REDIC1: variants seen among roughly 807,000 people sequenced by gnomAD.
REDIC1 encodes regulator of DNA class I crossover intermediates 1, also known as HEI10 Interacting Protein 1.
At chr12:39,899,730 A>C in the REDIC1 span, among the ~76,000 whole-genome samples, 9 of 151,880 alleles carry the variant, frequency 5.9e-5, no homozygotes, top group Non-Finnish European at 1.0e-4. Flanking sequence ...GCCTTCATTT[A>C]TTTATGTACC....
chr12:39,802,110 G>A, the REDIC1 span: 1 of 152,278 alleles, frequency 6.6e-6, no homozygotes, highest in Non-Finnish European at 1.5e-5. Flanking sequence ...TGGTCAGGAA[G>A]GCCCCGCTGG....
At chr12:39,770,109 C>G in the REDIC1 span, among the ~76,000 whole-genome samples, 1 of 152,164 alleles carries the variant, frequency 6.6e-6, no homozygotes, top group Non-Finnish European at 1.5e-5. Context: ...TTGCCTCTTC[C>G]TCTTCTCAAC....
the REDIC1 span, among the ~76,000 whole-genome samples, chr12:39,665,883 G>A: frequency 4.6e-5 from 7 of 152,196 alleles, no homozygotes; most frequent in Non-Finnish European, 4.4e-5. Context: ...GTCTGTTATT[G>A]GTGTATAAGA....
At chr12:39,682,399 G>T in the REDIC1 span, among the ~76,000 whole-genome samples, 1 of 151,984 alleles carries the variant, frequency 6.6e-6, no homozygotes, top group Non-Finnish European at 1.5e-5. Flanking sequence ...ACTGGCCGTA[G>T]ATTATTTTCT....
At chr12:39,790,554 C>CT in the REDIC1 span, among the ~76,000 whole-genome samples, 1 of 148,028 alleles carries the variant, frequency 6.8e-6, no homozygotes, top group Non-Finnish European at 1.5e-5. Context: ...TGAACTCATC[C>CT]TTTTTTATGG....
chr12:39,734,129 C>T, the REDIC1 span, among the ~76,000 whole-genome samples: 1 of 152,178 alleles, frequency 6.6e-6, no homozygotes, highest in African/African-American at 2.4e-5. Flanking sequence ...CCTCACTGCA[C>T]AGTCCCTCAC....
At chr12:39,674,197 T>C in the REDIC1 span, among the ~76,000 whole-genome samples, 1 of 152,246 alleles carries the variant, frequency 6.6e-6, no homozygotes, top group Non-Finnish European at 1.5e-5. Context: ...TTCTGTTTGC[T>C]GTTTTAGCAT....
the REDIC1 span, among the ~76,000 whole-genome samples, chr12:39,668,301 G>T: frequency 6.6e-6 from 1 of 152,120 alleles, no homozygotes; most frequent in Middle Eastern, 3.4e-3. Context: ...GTCTGTAAAG[G>T]ATTTGATTTC....
the REDIC1 span, among the ~76,000 whole-genome samples, chr12:39,870,533 G>A: frequency 1.3e-5 from 2 of 152,118 alleles, no homozygotes; most frequent in African/African-American, 4.8e-5. Context: ...ATACCTGGTA[G>A]GCTTCTGCCT....
At chr12:39,894,596 A>C in the REDIC1 span, among the ~76,000 whole-genome samples, 20 of 152,218 alleles carry the variant, frequency 1.3e-4, no homozygotes, top group Admixed American at 3.9e-4. Context: ...TAAAATTTCT[A>C]ACACTGAAAT....
chr12:39,824,678 G>C, the REDIC1 span, among the ~76,000 whole-genome samples: 1 of 152,168 alleles, frequency 6.6e-6, no homozygotes, highest in African/African-American at 2.4e-5. Flanking sequence ...AGCCCTGTGA[G>C]GTGTTCCAGT....
the REDIC1 span, among the ~76,000 whole-genome samples, chr12:39,711,004 T>C: frequency 1.4e-4 from 21 of 151,472 alleles, 1 homozygote; most frequent in Admixed American, 1.4e-3. Flanking sequence ...CCGAGCAGTA[T>C]ACACCGCACC....
the REDIC1 span, among the ~76,000 whole-genome samples, chr12:39,905,678 T>A: frequency 6.6e-6 from 1 of 152,068 alleles, no homozygotes; most frequent in Non-Finnish European, 1.5e-5. Flanking sequence ...CTATAAACAT[T>A]AATATTTTAA....
At chr12:39,896,267 T>C in the REDIC1 span, among the ~76,000 whole-genome samples, 8 of 134,822 alleles carry the variant, frequency 5.9e-5, 1 homozygote, top group African/African-American at 2.2e-4. Context: ...TATATGTGTG[T>C]ATATATGTAT....
At chr12:39,722,710 T>C in the REDIC1 span, among the ~76,000 whole-genome samples, 1 of 152,136 alleles carries the variant, frequency 6.6e-6, no homozygotes, top group African/African-American at 2.4e-5. Flanking sequence ...TTAAGCTCTG[T>C]AAGATGAGGA....
the REDIC1 span, among the ~76,000 whole-genome samples, chr12:39,696,434 T>C: frequency 4.1e-5 from 6 of 145,812 alleles, no homozygotes; most frequent in Non-Finnish European, 9.1e-5. Flanking sequence ...TCCCAGCTAC[T>C]TGGGAGACTG....
At chr12:39,750,603 A>G in the REDIC1 span, among the ~76,000 whole-genome samples, 2 of 152,232 alleles carry the variant, frequency 1.3e-5, no homozygotes, top group Non-Finnish European at 2.9e-5. Flanking sequence ...CGCATTGCCA[A>G]GTCGATCCTA....
At chr12:39,717,971 C>CTT in the REDIC1 span, among the ~76,000 whole-genome samples, 51 of 148,192 alleles carry the variant, frequency 3.4e-4, no homozygotes, top group African/African-American at 1.2e-3. Flanking sequence ...CACCTTTCAC[C>CTT]TTTTTTTTTT....
chr12:39,774,126 A>G, the REDIC1 span, among the ~76,000 whole-genome samples: 1 of 152,336 alleles, frequency 6.6e-6, no homozygotes, highest in African/African-American at 2.4e-5. Flanking sequence ...TTTATGATAT[A>G]ATTACACCAT....
Sources: allele counts gnomAD v4.1 joint callset (sites outside exome capture counted in the v4.1 genomes callset), GRCh38; gene constraint gnomAD v4.1.1; transcripts MANE v1.5; gene names NCBI Gene and HGNC (gene_info 2026-07-23, HGNC 2026-07-21).